Variants in MAGI3 observed in about 807,000 individuals in gnomAD.
MAGI3 encodes membrane-associated guanylate kinase, WW and PDZ domain-containing protein 3.
Under a neutral mutation model 121.8 loss-of-function variants are expected in MAGI3, and 43 were observed. That is an observed-to-expected ratio of 0.35 (90% CI 0.28 to 0.46). The LOEUF (loss-of-function observed/expected upper bound fraction) is 0.46. MAGI3 is among the 20% of genes least tolerant of loss of function. The pLI, the probability that MAGI3 is intolerant of heterozygous loss-of-function variation, is 1.00. For missense variants in MAGI3, 1,547 were observed against 1,797.3 expected (o/e 0.86, Z 2.52); for synonymous variants, 553 against 639.3 (o/e 0.86, Z 2.04).
rs571059973 is a variant in MAGI3 at position 113,459,667 on chromosome 1, C to A, written c.316+68318C>A. ...AATATCTTTCTTTGTCAGTTTTCTT[C>A]TCTTTGCCATTATGGGTAGAAAATG... On this transcript the variant is annotated intron_variant, in intron 1 of 20. Transcript: ENST00000307546. 6.6e-5 allele frequency among the ~76,000 whole-genome samples: 10 copies of A among 152,298 alleles called. No homozygotes were observed. The South Asian group carries it at 2.1e-3, about 32-fold the overall frequency.
chr1:113,601,549 A>G (rs1264781084), intron 6 of MAGI3, among the ~76,000 whole-genome samples: 24 of 149,006 alleles, frequency 1.6e-4, no homozygotes, highest in Admixed American at 2.7e-4. Context: ...TTAGAATGGC[A>G]ATCATTAAAA....
intron 1 of MAGI3, among the ~76,000 whole-genome samples, chr1:113,487,637 A>T (rs1359659457): frequency 3.9e-5 from 6 of 152,156 alleles, no homozygotes; most frequent in African/African-American, 1.4e-4. Context: ...AAATTATTGA[A>T]ATTTTTATTG....
At chr1:113,632,396 A>T (rs1255568096) in intron 9 of MAGI3, among the ~76,000 whole-genome samples, 1 of 152,226 alleles carries the variant, frequency 6.6e-6, no homozygotes, top group Non-Finnish European at 1.5e-5. Flanking sequence ...TTTCCGTGAA[A>T]ATTCTGGGAG....
intron 1 of MAGI3, among the ~76,000 whole-genome samples, chr1:113,393,848 G>C (rs1650953839): frequency 6.6e-6 from 1 of 152,098 alleles, no homozygotes; most frequent in South Asian, 2.1e-4. Context: ...AATTTAATAA[G>C]GTATTGTAAA....
intron 15 of MAGI3, among the ~76,000 whole-genome samples, chr1:113,654,971 T>C (rs1023474502): frequency 4.6e-5 from 7 of 152,188 alleles, no homozygotes; most frequent in African/African-American, 1.7e-4. Context: ...AAAATCTTGC[T>C]AAAATTAATG....
chr1:113,671,662 C>A, intron 16 of MAGI3, 72 bp from the exon 17 acceptor site: 1 of 1,407,466 alleles, frequency 7.1e-7, no homozygotes, highest in Non-Finnish European at 1.0e-6. Context: ...ATTGTCTCAC[C>A]TTCACAGATC....
intron 1 of MAGI3, among the ~76,000 whole-genome samples, chr1:113,425,771 G>A (rs1652978789): frequency 6.6e-6 from 1 of 152,034 alleles, no homozygotes; most frequent in Non-Finnish European, 1.5e-5. Flanking sequence ...TTTCATTCCT[G>A]ACATTGGTGA....
chr1:113,412,427 A>G (rs1158287442), intron 1 of MAGI3, among the ~76,000 whole-genome samples: 2 of 152,168 alleles, frequency 1.3e-5, no homozygotes, highest in East Asian at 1.9e-4. Context: ...TTCTAGTTCT[A>G]GATCCTTGAG....
intron 1 of MAGI3, among the ~76,000 whole-genome samples, chr1:113,443,372 T>G (rs1238184126): frequency 6.6e-6 from 1 of 152,280 alleles, no homozygotes; most frequent in Non-Finnish European, 1.5e-5. Context: ...ATTACTTTCT[T>G]TTTCCTAGAA....
At chr1:113,642,721 T>C (rs1334708574) in intron 10 of MAGI3, among the ~76,000 whole-genome samples, 6 of 152,244 alleles carry the variant, frequency 3.9e-5, no homozygotes, top group Non-Finnish European at 4.4e-5. Context: ...TTCATTCATG[T>C]CCATTATGGA....
intron 6 of MAGI3, among the ~76,000 whole-genome samples, chr1:113,610,537 T>C (rs572751933): frequency 1.6e-4 from 24 of 152,318 alleles, no homozygotes; most frequent in African/African-American, 5.3e-4. Flanking sequence ...CAGGATGTTC[T>C]ACAGATCACT....
intron 2 of MAGI3, among the ~76,000 whole-genome samples, chr1:113,559,162 C>T (rs1570860209): frequency 6.6e-6 from 1 of 152,264 alleles, no homozygotes; most frequent in East Asian, 1.9e-4. Flanking sequence ...GCAAAATAAC[C>T]AGCTAGCATC....
At chr1:113,443,038 A>G (rs1653996220) in intron 1 of MAGI3, among the ~76,000 whole-genome samples, 1 of 152,126 alleles carries the variant, frequency 6.6e-6, no homozygotes. Flanking sequence ...GTAACTACTC[A>G]GCTAATAGTT....
intron 2 of MAGI3, among the ~76,000 whole-genome samples, chr1:113,571,700 C>G (rs1647298580): frequency 6.6e-6 from 1 of 152,014 alleles, no homozygotes; most frequent in Admixed American, 6.6e-5. Context: ...GTTTGCCTAT[C>G]ATTGGTGTAT....
chr1:113,466,711 T>C lies in MAGI3; in HGVS notation c.316+75362T>C, dbSNP rs555969168. ...TTCATGGGTCAATATTGGTAGGTTTTATATGTGCAAGAATTTACTCATTTC... is the reference window on the plus strand; with the variant it reads ...TTCATGGGTCAATATTGGTAGGTTTCATATGTGCAAGAATTTACTCATTTC... On this transcript the variant is annotated intron_variant, in intron 1 of 20. Transcript: ENST00000307546. Among the ~76,000 whole-genome samples, 5 of 152,260 alleles carry C rather than the reference T, an allele frequency of 3.3e-5. No homozygotes were observed. In the South Asian group the frequency reaches 1.0e-3, roughly 32 times the overall value.
At chr1:113,453,592 C>T (rs1654592367) in intron 1 of MAGI3, among the ~76,000 whole-genome samples, 1 of 152,108 alleles carries the variant, frequency 6.6e-6, no homozygotes, top group Admixed American at 6.6e-5. Context: ...AGACATACTG[C>T]TATTGGAGTA....
intron 2 of MAGI3, among the ~76,000 whole-genome samples, chr1:113,572,570 A>G (rs779287426): frequency 3.3e-5 from 5 of 152,042 alleles, no homozygotes; most frequent in Non-Finnish European, 7.4e-5. Context: ...TCAATTTCAG[A>G]ACTTGTTACT....
At chr1:113,576,644 A>G (rs2101712742) in intron 2 of MAGI3, 1 of 152,338 alleles carries the variant, frequency 6.6e-6, no homozygotes, top group East Asian at 1.9e-4. Flanking sequence ...TAAAGACACA[A>G]ACCCAACAGA....
chr1:113,433,738 G>A (rs925354628), intron 1 of MAGI3, among the ~76,000 whole-genome samples: 13 of 151,958 alleles, frequency 8.6e-5, no homozygotes, highest in Non-Finnish European at 1.8e-4. Context: ...GACTTAACAC[G>A]GTATATTCTT....
Sources: gnomAD v4.1 joint callset for allele counts (sites outside exome capture counted in the v4.1 genomes callset) on GRCh38, gnomAD v4.1.1 for gene constraint, MANE v1.5 for transcripts, NCBI Gene and HGNC (gene_info 2026-07-23, HGNC 2026-07-21) for gene names.